Variants in MTRFR observed in about 807,000 individuals in gnomAD.
The protein encoded by MTRFR is probable peptide chain release factor C12orf65, mitochondrial.
In MTRFR, 10 loss-of-function variants were observed where a neutral mutation model predicts 11.9. The observed-to-expected ratio is 0.84, with a 90% CI of 0.52 to 1.42. The LOEUF is 1.42. Among genes scored for constraint, MTRFR ranks in the 40% most tolerant of loss-of-function variants. The pLI, the probability that MTRFR is intolerant of heterozygous loss-of-function variation, is 0.00. For synonymous variants in MTRFR, 77 were observed against 79.1 expected (o/e 0.97, Z 0.14); for missense variants, 196 against 197.9 (o/e 0.99, Z 0.06).
chr12:123,256,578 C>A (rs775746683), intron 2 of MTRFR, among the ~76,000 whole-genome samples: 4 of 152,044 alleles, frequency 2.6e-5, no homozygotes, highest in Non-Finnish European at 5.9e-5. Context: ...CGCCTATAAT[C>A]CCAGCTACTT....
intron 1 of MTRFR, among the ~76,000 whole-genome samples, chr12:123,243,624 G>A (rs2047984329): frequency 6.6e-6 from 1 of 152,054 alleles, no homozygotes; most frequent in Non-Finnish European, 1.5e-5. Flanking sequence ...AGAATCACTT[G>A]AACCCAGGAG....
At chr12:123,242,662 G>C (rs2047959514) in intron 1 of MTRFR, among the ~76,000 whole-genome samples, 1 of 152,210 alleles carries the variant, frequency 6.6e-6, no homozygotes, top group Admixed American at 6.5e-5. Context: ...AACTCCAGCT[G>C]GGTGGGAGAC....
upstream of MTRFR, chr12:123,233,116 G>T (rs1030835145): frequency 7.4e-5 from 11 of 148,578 alleles, no homozygotes; most frequent in African/African-American, 2.4e-4. Flanking sequence ...TCATGCAAGC[G>T]GCCTCTCGCG....
intron 1 of MTRFR, among the ~76,000 whole-genome samples, chr12:123,244,929 CATTTTTTTT>C (rs1470634459): frequency 6.2e-5 from 4 of 64,306 alleles, no homozygotes; most frequent in Admixed American, 2.4e-4. Context: ...CCGCACCCGG[CATTTTTTTT>C]TTTTTTTTTT....
intron 1 of MTRFR, among the ~76,000 whole-genome samples, chr12:123,239,226 G>A (rs767679368): frequency 1.2e-4 from 19 of 152,190 alleles, no homozygotes; most frequent in Non-Finnish European, 2.2e-4. Context: ...CTGAGATGGC[G>A]CCACTATACT....
intron 1 of MTRFR, among the ~76,000 whole-genome samples, chr12:123,235,452 C>T (rs2047831076): frequency 6.6e-6 from 1 of 151,972 alleles, no homozygotes; most frequent in Admixed American, 6.6e-5. Context: ...GCAAGCTCCG[C>T]CCCCCAGGTT....
At chr12:123,253,070 ATTTTTTTTTTTTTTTTTTTTTTT>A (rs71085872) in intron 1 of MTRFR, among the ~76,000 whole-genome samples, 22 of 34,844 alleles carry the variant, frequency 6.3e-4, no homozygotes, top group African/African-American at 2.1e-3. Context: ...GTTCCTTTGA[ATTTTTTTTTTTTTTTTTTTTTTT>A]TTTTTTTTTT....
intron 1 of MTRFR, among the ~76,000 whole-genome samples, chr12:123,237,407 G>A (rs2047868498): frequency 6.6e-6 from 1 of 152,208 alleles, no homozygotes. Context: ...TCTAGCCTGG[G>A]TGACAAGCGA....
intron 1 of MTRFR, among the ~76,000 whole-genome samples, chr12:123,242,164 T>G (rs2047950195): frequency 6.6e-6 from 1 of 152,132 alleles, no homozygotes; most frequent in Non-Finnish European, 1.5e-5. Flanking sequence ...CTTAACCAAG[T>G]TGGAAGGGAC....
chr12:123,243,572 G>A lies in MTRFR; in HGVS notation c.-29+10041G>A, dbSNP rs532101576. ...ATACAAAAATTAGCTAGGTGTGGTGGCACGTGCCTGTAGTCCCAGCTACTC... is the reference window on the plus strand; with the variant it reads ...ATACAAAAATTAGCTAGGTGTGGTGACACGTGCCTGTAGTCCCAGCTACTC... On this transcript the variant is annotated intron_variant, in intron 1 of 2. Transcript: ENST00000253233. 1.1e-4 allele frequency among the ~76,000 whole-genome samples: 16 copies of A among 151,870 alleles called. No individual in the cohort carries two copies. The South Asian group carries it at 3.3e-3, about 32-fold the overall frequency.
chr12:123,243,668 G>C (rs893204967), intron 1 of MTRFR, among the ~76,000 whole-genome samples: 1 of 152,042 alleles, frequency 6.6e-6, no homozygotes, highest in African/African-American at 2.4e-5. Flanking sequence ...TCGCGCCACT[G>C]TACTCCACCC....
At position 123,253,592 on chromosome 12, in the gene MTRFR, T is replaced by C. The variant is rs1277980425; in HGVS notation, c.-28-55T>C. The C allele has an allele frequency of 1.5e-5, 23 of 1,549,874 alleles. No individual in the cohort carries two copies. The Middle Eastern group carries it at 6.0e-4, about 41-fold the overall frequency. On this transcript the variant is annotated intron_variant, in intron 1 of 2. Transcript: ENST00000253233. ...AAAAGCTGTCTTTGAATCTGAAGCA[T>C]AATCTTGAGGGCAGATGCCTCTTAC...
At chr12:123,252,813 T>C (rs1023780777) in intron 1 of MTRFR, among the ~76,000 whole-genome samples, 6 of 151,868 alleles carry the variant, frequency 4.0e-5, no homozygotes, top group African/African-American at 1.5e-4. Context: ...TAATCCCAGC[T>C]ACTCAGGAGG....
In MTRFR at chr12:123,257,055, GAC is replaced by G. The variant is rs770412680; in HGVS notation, c.*26_*27del. The G allele has an allele frequency of 6.3e-7, 1 of 1,575,570 alleles. No homozygotes were observed. The highest frequency in any genetic ancestry group is 1.4e-5 in the African/African-American group (1 of 73,996). ...GAGAAAAGAATTAGAGATTCCAACT[GAC>G]AGAATCTGCCAGAAGCTCCCAGGGA... On this transcript the variant is annotated 3_prime_UTR_variant, in exon 3 of 3. Coordinates refer to ENST00000253233, the MANE Select transcript of MTRFR (RefSeq NM_152269.5).
intron 2 of MTRFR, 21 bp downstream of exon 2, chr12:123,253,977 G>A (rs778272997): frequency 1.2e-6 from 2 of 1,613,246 alleles, no homozygotes; most frequent in African/African-American, 2.7e-5. Flanking sequence ...GAAGGCCGCT[G>A]AGGGGAGAGG....
In MTRFR at chr12:123,253,921, GT is replaced by G. The variant is rs587776508; in HGVS notation, c.248del (p.Val83GlyfsTer2). 3.7e-6 allele frequency: 6 copies of G among 1,614,218 alleles called. No homozygotes were observed. The highest frequency in any genetic ancestry group is 4.2e-6 in the Non-Finnish European group (5 of 1,180,036). ...QATNKTSNCV[V>X]LKHIPSGIVV... Reference sequence around the variant, plus strand: ...AACCAACAAAACCAGCAACTGCGTGGTGCTGAAGCACATCCCCTCAGGCATC... The same window carrying G: ...AACCAACAAAACCAGCAACTGCGTGGGCTGAAGCACATCCCCTCAGGCATC... On this transcript the variant is annotated frameshift_variant, in exon 2 of 3. Coordinates refer to ENST00000253233, the MANE Select transcript of MTRFR (RefSeq NM_152269.5). LOFTEE classifies it high-confidence loss of function.
intron 1 of MTRFR, among the ~76,000 whole-genome samples, chr12:123,234,332 C>G (rs1727331): frequency 0.6 from 90,994 of 151,304 alleles, 31,062 homozygotes; most frequent in Non-Finnish European, 0.75. Context: ...TGCCAGGAGG[C>G]GTTACATCTC....
chr12:123,233,004 G>A (rs1427515631), upstream of MTRFR: 1 of 152,346 alleles, frequency 6.6e-6, no homozygotes, highest in Non-Finnish European at 1.5e-5. Context: ...GGGCCGCTAA[G>A]ACAGTGTCTC....
At chr12:123,255,879 G>A (rs1043183475) in intron 2 of MTRFR, among the ~76,000 whole-genome samples, 31 of 152,070 alleles carry the variant, frequency 2.0e-4, no homozygotes, top group African/African-American at 5.8e-4. Flanking sequence ...CACCCATCTT[G>A]GCCTCCAAAG....
Sources: allele counts gnomAD v4.1 joint callset (sites outside exome capture counted in the v4.1 genomes callset), GRCh38; gene constraint gnomAD v4.1.1; transcripts MANE v1.5; gene names NCBI Gene and HGNC (gene_info 2026-07-23, HGNC 2026-07-21).